MRTFA: variants seen among roughly 807,000 people sequenced by gnomAD.
MRTFA encodes myocardin-related transcription factor A.
Under a neutral mutation model 83.5 loss-of-function variants are expected in MRTFA, and 20 were observed. That is an observed-to-expected ratio of 0.24 (90% CI 0.17 to 0.35). The LOEUF (loss-of-function observed/expected upper bound fraction) is 0.35, where lower values mean the gene tolerates loss of function less well. Ranked by LOEUF, MRTFA falls within the 10% of genes least tolerant of loss-of-function variation. The pLI is 1.00. For synonymous variants in MRTFA, 659 were observed against 541.2 expected (o/e 1.22, Z -3.02); for missense variants, 1,200 against 1,224.7 (o/e 0.98, Z 0.30).
chr22:40,625,516 C>T (rs1473809300), intron 1 of MRTFA, among the ~76,000 whole-genome samples: 2 of 151,944 alleles, frequency 1.3e-5, no homozygotes, highest in East Asian at 1.9e-4. Flanking sequence ...GGGTGGCTCA[C>T]GCCTGTAATC....
intron 3 of MRTFA, among the ~76,000 whole-genome samples, chr22:40,492,291 C>T (rs1262591886): frequency 6.6e-6 from 1 of 152,126 alleles, no homozygotes; most frequent in Non-Finnish European, 1.5e-5. Context: ...CAGTTAGATC[C>T]CAAGTTTACT....
intron 1 of MRTFA, among the ~76,000 whole-genome samples, chr22:40,631,019 G>A (rs1425819617): frequency 6.6e-6 from 1 of 152,122 alleles, no homozygotes; most frequent in Non-Finnish European, 1.5e-5. Flanking sequence ...TACAGACAGA[G>A]AGCCCAGTAA....
chr22:40,603,296 A>C (rs1041690384), intron 1 of MRTFA, among the ~76,000 whole-genome samples: 3 of 152,158 alleles, frequency 2.0e-5, no homozygotes, highest in Non-Finnish European at 2.9e-5. Context: ...TTAATCCACA[A>C]ACCACATTTC....
rs552913080 is a variant in MRTFA at position 40,510,433 on chromosome 22, T to C, written c.241+41673A>G. 2.4e-4 allele frequency among the ~76,000 whole-genome samples: 36 copies of C among 151,906 alleles called. 1 individual carries two copies. The highest frequency in any genetic ancestry group is 6.8e-3 in the Middle Eastern group (2 of 294). ...CCTCTGGCCACCTGCAGATAAATAA[T>C]TGATTGAAATAAAACCCGAAATGTT... On this transcript the variant is annotated intron_variant, in intron 3 of 14. Coordinates refer to ENST00000355630, the MANE Select transcript of MRTFA (RefSeq NM_020831.6).
chr22:40,505,506 T>C (rs1239464853), intron 3 of MRTFA, among the ~76,000 whole-genome samples: 2 of 152,358 alleles, frequency 1.3e-5, no homozygotes, highest in East Asian at 3.9e-4. Flanking sequence ...AAGTAGTCAA[T>C]ACATGGTAGC....
intron 2 of MRTFA, among the ~76,000 whole-genome samples, chr22:40,571,485 A>G (rs1327505667): frequency 6.6e-6 from 1 of 152,158 alleles, no homozygotes; most frequent in Non-Finnish European, 1.5e-5. Context: ...TCAAGAGGTG[A>G]AAAAGAAAAC....
chr22:40,417,171 G>T (rs1054915219), intron 13 of MRTFA, 125 bp from the exon 14 acceptor site: 1 of 1,357,582 alleles, frequency 7.4e-7, no homozygotes, highest in Non-Finnish European at 1.0e-6. Flanking sequence ...ACCCATGGGC[G>T]TGCCCGGACT....
chr22:40,479,066 C>T (rs774716596), intron 3 of MRTFA, among the ~76,000 whole-genome samples: 1 of 152,060 alleles, frequency 6.6e-6, no homozygotes, highest in Non-Finnish European at 1.5e-5. Flanking sequence ...AAAAGCAGCC[C>T]CAAATCATTT....
intron 4 of MRTFA, among the ~76,000 whole-genome samples, chr22:40,450,365 G>A (rs770377711): frequency 6.6e-5 from 10 of 152,180 alleles, no homozygotes; most frequent in Non-Finnish European, 1.0e-4. Flanking sequence ...GTACTGAAGC[G>A]CTTACAAATG....
At chr22:40,463,402 G>C in intron 3 of MRTFA, 116 bp from the exon 4 acceptor site, 1 of 823,092 alleles carries the variant, frequency 1.2e-6, no homozygotes, top group Admixed American at 2.3e-5. Flanking sequence ...TGTGAAAGAA[G>C]GGTCCCCTTG....
intron 2 of MRTFA, among the ~76,000 whole-genome samples, chr22:40,593,370 T>C (rs17002030): frequency 0.09 from 13,701 of 152,190 alleles, 799 homozygotes; most frequent in East Asian, 0.25. Context: ...TAAAAGAACA[T>C]ACATGAAAAT....
At chr22:40,423,178 T>A (rs531605359) in intron 9 of MRTFA, among the ~76,000 whole-genome samples, 5 of 152,356 alleles carry the variant, frequency 3.3e-5, no homozygotes, top group Admixed American at 6.5e-5. Flanking sequence ...ACCTCCTGCA[T>A]GACTCTGGCC....
chr22:40,429,191 G>T (rs916081194), intron 7 of MRTFA, among the ~76,000 whole-genome samples: 2 of 152,216 alleles, frequency 1.3e-5, no homozygotes, highest in East Asian at 3.9e-4. Flanking sequence ...TATTTGTTAA[G>T]TGAAATATCC....
At chr22:40,557,520 T>C (rs1277794266) in intron 2 of MRTFA, among the ~76,000 whole-genome samples, 3 of 152,046 alleles carry the variant, frequency 2.0e-5, no homozygotes, top group Admixed American at 6.6e-5. Flanking sequence ...CCTCTAATCC[T>C]AGCACTCTGG....
At chr22:40,464,879 A>G (rs922832424) in intron 3 of MRTFA, among the ~76,000 whole-genome samples, 21 of 151,168 alleles carry the variant, frequency 1.4e-4, no homozygotes, top group African/African-American at 5.1e-4. Flanking sequence ...GCCAACTTCA[A>G]CTCTACCTCC....
At chr22:40,569,988 A>T (rs1032560289) in intron 2 of MRTFA, 5 of 152,622 alleles carry the variant, frequency 3.3e-5, no homozygotes, top group African/African-American at 1.2e-4. Context: ...ACCCTGAATC[A>T]TGTCTTAATA....
At position 40,431,448 on chromosome 22, in the gene MRTFA, G is replaced by C; in HGVS notation, c.396C>G (p.Ser132=). Residue 132 remains serine, a synonymous_variant, in exon 6 of 15, where the codon TCC becomes TCG. Coordinates refer to ENST00000355630, the MANE Select transcript of MRTFA (RefSeq NM_020831.6). ...TGACCAGCTCCGATCTCTCCGGCCG[G>C]GAACGAATCTTCCGTTTGAGATAGT... The C allele has an allele frequency of 6.2e-7, 1 of 1,614,048 alleles. No homozygotes were observed. Among genetic ancestry groups the C allele is most frequent in the Non-Finnish European group, 8.5e-7 (1 of 1,179,966 alleles).
intron 3 of MRTFA, among the ~76,000 whole-genome samples, chr22:40,466,184 T>C (rs2053810129): frequency 6.6e-6 from 1 of 152,214 alleles, no homozygotes; most frequent in African/African-American, 2.4e-5. Flanking sequence ...CTCTAGGAAG[T>C]TGATTTCAGA....
At chr22:40,538,985 C>CTTTTTTTTT (rs201694198) in intron 3 of MRTFA, among the ~76,000 whole-genome samples, 2 of 106,946 alleles carry the variant, frequency 1.9e-5, no homozygotes, top group African/African-American at 3.8e-5. Flanking sequence ...GATACACAGC[C>CTTTTTTTTT]TTTTGTTTTT....
Sources: allele counts gnomAD v4.1 joint callset (sites outside exome capture counted in the v4.1 genomes callset), GRCh38; gene constraint gnomAD v4.1.1; transcripts MANE v1.5; gene names NCBI Gene and HGNC (gene_info 2026-07-23, HGNC 2026-07-21).